TENM3: variants seen among roughly 807,000 people sequenced by gnomAD.
TENM3 encodes teneurin-3.
In TENM3, 63 loss-of-function variants were observed where a neutral mutation model predicts 255.1. The ratio of observed to expected loss-of-function variants is 0.25; its 90% CI spans 0.20 to 0.30. The LOEUF (loss-of-function observed/expected upper bound fraction) is 0.30. Ranked by LOEUF, TENM3 falls within the 10% of genes least tolerant of loss-of-function variation. The pLI is 1.00. For missense variants in TENM3, 2,929 were observed against 3,461.1 expected (o/e 0.85, Z 3.86); for synonymous variants, 1,306 against 1,322.3 (o/e 0.99, Z 0.27).
intron 2 of TENM3, among the ~76,000 whole-genome samples, chr4:182,343,970 C>T (rs1764639410): frequency 6.6e-6 from 1 of 152,240 alleles, no homozygotes; most frequent in South Asian, 2.1e-4. Flanking sequence ...TAAAACTCAA[C>T]TTTGGTGGTG....
At chr4:182,078,896 G>A in the TENM3 span, among the ~76,000 whole-genome samples, 1 of 152,302 alleles carries the variant, frequency 6.6e-6, no homozygotes, top group South Asian at 2.1e-4. Flanking sequence ...AAGGAAGAGA[G>A]AGTTTACATA....
At chr4:181,587,571 G>A in the TENM3 span, among the ~76,000 whole-genome samples, 1 of 152,146 alleles carries the variant, frequency 6.6e-6, no homozygotes, top group African/African-American at 2.4e-5. Flanking sequence ...AGAAACCAGG[G>A]CAAAGAAGTT....
the TENM3 span, among the ~76,000 whole-genome samples, chr4:181,508,259 T>C: frequency 6.6e-6 from 1 of 152,188 alleles, no homozygotes; most frequent in South Asian, 2.1e-4. Context: ...CATTCGGCTG[T>C]TTTACAGCCT....
At chr4:181,898,283 CA>C in the TENM3 span, among the ~76,000 whole-genome samples, 2 of 151,858 alleles carry the variant, frequency 1.3e-5, no homozygotes, top group African/African-American at 2.4e-5. Flanking sequence ...CACACACACA[CA>C]CCTTTGTGAT....
chr4:182,699,495 A>G (rs1404574576), intron 12 of TENM3, among the ~76,000 whole-genome samples: 1 of 152,170 alleles, frequency 6.6e-6, no homozygotes, highest in Non-Finnish European at 1.5e-5. Flanking sequence ...GTCTTAGGGA[A>G]ACAATTTATA....
chr4:181,520,587 G>A, the TENM3 span, among the ~76,000 whole-genome samples: 302 of 152,066 alleles, frequency 2.0e-3, 1 homozygote, highest in African/African-American at 6.9e-3. Flanking sequence ...AAATAACCAC[G>A]AAAACCACTT....
At chr4:181,485,807 G>A in the TENM3 span, among the ~76,000 whole-genome samples, 1 of 152,050 alleles carries the variant, frequency 6.6e-6, no homozygotes, top group Admixed American at 6.6e-5. Context: ...TACTGCATCA[G>A]TAAAATAAGA....
chr4:182,543,500 C>T (rs147589265), intron 3 of TENM3, among the ~76,000 whole-genome samples: 97 of 152,152 alleles, frequency 6.4e-4, no homozygotes, highest in African/African-American at 1.7e-3. Flanking sequence ...TAAGAATGGG[C>T]GAGCACAAGG....
At chr4:181,976,629 C>G in the TENM3 span, 1 of 152,312 alleles carries the variant, frequency 6.6e-6, no homozygotes, top group South Asian at 2.1e-4. Context: ...TGAGTGTTCA[C>G]AGGTTTGGAT....
At chr4:182,223,783 C>CAAAAAAA (rs61535632) in intron 1 of TENM3, among the ~76,000 whole-genome samples, 2 of 112,974 alleles carry the variant, frequency 1.8e-5, no homozygotes, top group Non-Finnish European at 3.4e-5. Flanking sequence ...GATAGATTGG[C>CAAAAAAA]AAAAAAAAAA....
At chr4:181,611,572 C>T in the TENM3 span, among the ~76,000 whole-genome samples, 89 of 151,984 alleles carry the variant, frequency 5.9e-4, no homozygotes, top group African/African-American at 1.9e-3. Flanking sequence ...TTACACGATA[C>T]GGAGTCTGTT....
the TENM3 span, among the ~76,000 whole-genome samples, chr4:182,052,660 C>T: frequency 6.6e-6 from 1 of 152,116 alleles, no homozygotes; most frequent in Non-Finnish European, 1.5e-5. Flanking sequence ...CCACCCTGTT[C>T]AGACTTCCCC....
chr4:181,892,268 C>G, the TENM3 span, among the ~76,000 whole-genome samples: 2 of 152,266 alleles, frequency 1.3e-5, no homozygotes, highest in East Asian at 3.9e-4. Flanking sequence ...CTCAGGTAGC[C>G]ACTGAGTCCT....
chr4:182,114,056 T>C, the TENM3 span, among the ~76,000 whole-genome samples: 2 of 152,222 alleles, frequency 1.3e-5, no homozygotes, highest in Non-Finnish European at 2.9e-5. Flanking sequence ...TGAGTAATTC[T>C]ATCTGGTTTT....
chr4:181,673,230 G>A, the TENM3 span, among the ~76,000 whole-genome samples: 6 of 137,294 alleles, frequency 4.4e-5, no homozygotes, highest in South Asian at 2.2e-4. Flanking sequence ...CAGTAGTGTC[G>A]CAAACATATT....
chr4:181,512,592 A>T, the TENM3 span, among the ~76,000 whole-genome samples: 1 of 152,320 alleles, frequency 6.6e-6, no homozygotes, highest in Non-Finnish European at 1.5e-5. Flanking sequence ...GATTACAAAC[A>T]TCTAAATCCC....
intron 22 of TENM3, among the ~76,000 whole-genome samples, chr4:182,763,387 A>G (rs1763377503): frequency 6.6e-6 from 1 of 152,128 alleles, no homozygotes; most frequent in Admixed American, 6.5e-5. Context: ...AACACGGTGA[A>G]ACCCCATCTC....
intron 1 of TENM3, among the ~76,000 whole-genome samples, chr4:182,323,670 C>T (rs1328238991): frequency 6.6e-6 from 1 of 152,010 alleles, no homozygotes; most frequent in Non-Finnish European, 1.5e-5. Context: ...GAAATTTCAG[C>T]GTGAGCTTAC....
At chr4:181,566,833 G>A in the TENM3 span, among the ~76,000 whole-genome samples, 1 of 152,180 alleles carries the variant, frequency 6.6e-6, no homozygotes, top group African/African-American at 2.4e-5. Flanking sequence ...TCAAACTGTG[G>A]AAGAATTAGG....
Sources: allele counts gnomAD v4.1 joint callset (sites outside exome capture counted in the v4.1 genomes callset), GRCh38; gene constraint gnomAD v4.1.1; transcripts MANE v1.5; gene names NCBI Gene and HGNC (gene_info 2026-07-23, HGNC 2026-07-21).